INSL6: variants seen among roughly 807,000 people sequenced by gnomAD.
INSL6 encodes insulin-like peptide INSL6.
In INSL6, 16 loss-of-function variants were observed where a neutral mutation model predicts 9.4. That is an observed-to-expected ratio of 1.70 (90% confidence interval 1.15 to 2.59). The LOEUF is 2.59. Among genes scored for constraint, INSL6 ranks in the 30% most tolerant of loss-of-function variants. INSL6 has a pLI of 0.00. For synonymous variants in INSL6, 154 were observed against 96.9 expected (o/e 1.59, Z -3.46); for missense variants, 391 against 257.3 (o/e 1.52, Z -3.56).
the INSL6 span, chr9:5,089,611 AAATTT>A: frequency 1.4e-6 from 1 of 731,488 alleles, no homozygotes. Flanking sequence ...TATAATTATA[AAATTT>A]ATTTGTAATT....
intron 1 of INSL6, among the ~76,000 whole-genome samples, chr9:5,178,549 G>A (rs1025404864): frequency 2.6e-5 from 4 of 152,194 alleles, no homozygotes; most frequent in African/African-American, 9.7e-5. Context: ...AAGTTCCTGT[G>A]GGGAGGGGCA....
At chr9:5,162,195 A>C (rs1824941423), downstream of INSL6, among the ~76,000 whole-genome samples, 1 of 152,166 alleles carries the variant, frequency 6.6e-6, no homozygotes, top group South Asian at 2.1e-4. Context: ...TGGAGCCTCA[A>C]TATGTTGCTT....
chr9:5,042,386 C>G, the INSL6 span, among the ~76,000 whole-genome samples: 29 of 152,220 alleles, frequency 1.9e-4, no homozygotes, highest in African/African-American at 6.7e-4. Context: ...ATCCACCCGC[C>G]TCGGCCTCCC....
At position 5,180,956 on chromosome 9, in the gene INSL6, A is replaced by T. The variant is rs1333869173; in HGVS notation, c.289+4358T>A. On this transcript the variant is annotated intron_variant, in intron 1 of 1. Transcript: ENST00000381641. ...CCCCTTTTGAAACTCTTAACAAAAA[A>T]CTTGATGGTTTGAGGCTCAGGCCAG... 2.0e-5 allele frequency among the ~76,000 whole-genome samples: 3 copies of T among 152,140 alleles called. No individual in the cohort carries two copies. The East Asian group carries it at 5.8e-4, about 29-fold the overall frequency.
At chr9:4,997,272 G>A in the INSL6 span, among the ~76,000 whole-genome samples, 9 of 152,050 alleles carry the variant, frequency 5.9e-5, no homozygotes, top group Non-Finnish European at 1.2e-4. Flanking sequence ...AAATACCTGA[G>A]GCTGAGTAAT....
chr9:5,122,255 C>T (rs370088637), downstream of INSL6, among the ~76,000 whole-genome samples: 1 of 152,138 alleles, frequency 6.6e-6, no homozygotes, highest in Non-Finnish European at 1.5e-5. Flanking sequence ...AACCATGATA[C>T]TCACAGTCCA....
At chr9:5,077,387 T>A in the INSL6 span, 1 of 565,978 alleles carries the variant, frequency 1.8e-6, no homozygotes, top group East Asian at 4.1e-5. Context: ...TATAAAGATT[T>A]AAATTACATA....
At chr9:5,144,150 C>A (rs548158000) in intron 2 of INSL6, among the ~76,000 whole-genome samples, 6 of 152,174 alleles carry the variant, frequency 3.9e-5, no homozygotes, top group South Asian at 2.1e-4. Flanking sequence ...GTGCTACAAA[C>A]TTCCCTTTTA....
rs796834951 is a variant in INSL6, at chr9:5,184,467, T to A, written c.289+847A>T. Among the ~76,000 whole-genome samples the A allele has an allele frequency of 1.3e-4, 20 of 152,344 alleles. 1 individual carries two copies. Among genetic ancestry groups the A allele is most frequent in the African/African-American group, 4.6e-4 (19 of 41,574 alleles). ...GAATCTGGAACAAGAATATCCTTCC[T>A]GCAGACTGCTTGAAAGCATCAAGTA... On this transcript the variant is annotated intron_variant, in intron 1 of 1. Transcript: ENST00000381641.
chr9:5,041,087 G>C, the INSL6 span: 1 of 709,746 alleles, frequency 1.4e-6, no homozygotes, highest in South Asian at 1.5e-5. Context: ...ACCTACTACA[G>C]CCTGGAGGAC....
the INSL6 span, chr9:5,112,421 G>A: frequency 8.2e-5 from 40 of 490,094 alleles, no homozygotes; most frequent in Non-Finnish European, 1.3e-4. Flanking sequence ...AGAACACGTC[G>A]GCGGCTGACC....
At chr9:5,155,621 G>T (rs1205398912) in intron 2 of INSL6, among the ~76,000 whole-genome samples, 5 of 151,748 alleles carry the variant, frequency 3.3e-5, no homozygotes, top group Admixed American at 3.3e-4. Context: ...CCTTTGCAGG[G>T]ACATGAATGA....
chr9:5,143,535 C>G (rs546047097), intron 2 of INSL6, among the ~76,000 whole-genome samples: 5 of 152,066 alleles, frequency 3.3e-5, no homozygotes, highest in African/African-American at 1.2e-4. Context: ...GTGGTAATAA[C>G]CCCCCTGTCA....
chr9:5,080,414 A>C, the INSL6 span: 11 of 1,560,096 alleles, frequency 7.1e-6, no homozygotes, highest in Non-Finnish European at 9.6e-6. Context: ...GAATTACTCT[A>C]TCTCTGAACT....
the INSL6 span, among the ~76,000 whole-genome samples, chr9:5,031,251 G>T: frequency 1.3e-5 from 2 of 152,160 alleles, no homozygotes; most frequent in African/African-American, 4.8e-5. Flanking sequence ...ATAGCCATGA[G>T]AAAGAAGACT....
the INSL6 span, among the ~76,000 whole-genome samples, chr9:5,091,963 G>A: frequency 6.6e-6 from 1 of 152,210 alleles, no homozygotes; most frequent in East Asian, 1.9e-4. Context: ...GGATAATACT[G>A]TTAGTGATGA....
chr9:5,173,579 G>A (rs765698077), intron 1 of INSL6, among the ~76,000 whole-genome samples: 5 of 151,612 alleles, frequency 3.3e-5, no homozygotes, highest in Admixed American at 6.6e-5. Flanking sequence ...TGAACATGGG[G>A]AAGCAAAAAA....
chr9:5,032,359 G>A, the INSL6 span, among the ~76,000 whole-genome samples: 2 of 152,234 alleles, frequency 1.3e-5, no homozygotes, highest in African/African-American at 4.8e-5. Context: ...AGAATCCTTT[G>A]CAGACTTAAA....
chr9:5,058,226 C>G, the INSL6 span, among the ~76,000 whole-genome samples: 1 of 152,164 alleles, frequency 6.6e-6, no homozygotes, highest in East Asian at 1.9e-4. Flanking sequence ...CGTTCTCACA[C>G]TGCTATAAAG....
Sources: allele counts gnomAD v4.1 joint callset (sites outside exome capture counted in the v4.1 genomes callset), GRCh38; gene constraint gnomAD v4.1.1; transcripts MANE v1.5; gene names NCBI Gene and HGNC (gene_info 2026-07-23, HGNC 2026-07-21).